ANKRD28: variants seen among roughly 807,000 people sequenced by gnomAD.
The protein encoded by ANKRD28 is serine/threonine-protein phosphatase 6 regulatory ankyrin repeat subunit A.
Under a neutral mutation model 126.5 loss-of-function variants are expected in ANKRD28, and 44 were observed. The ratio of observed to expected loss-of-function variants is 0.35; its 90% CI spans 0.27 to 0.45. The LOEUF (loss-of-function observed/expected upper bound fraction) is 0.45, where lower values mean the gene tolerates loss of function less well. Among genes scored for constraint, ANKRD28 ranks in the 20% least tolerant of loss-of-function variants. The pLI is 1.00. For synonymous variants in ANKRD28, 442 were observed against 468.5 expected, an observed-to-expected ratio of 0.94 and a Z score of 0.73; for missense variants, 1,110 against 1,316.6, an observed-to-expected ratio of 0.84 and a Z score of 2.43.
upstream of ANKRD28, among the ~76,000 whole-genome samples, chr3:15,799,763 A>T (rs1372490608): frequency 6.6e-6 from 1 of 152,008 alleles, no homozygotes; most frequent in East Asian, 1.9e-4. Flanking sequence ...TCTTGTTCTA[A>T]GTCAACCTCC....
At chr3:15,858,719 T>C (rs1420771663) in intron 1 of ANKRD28, among the ~76,000 whole-genome samples, 1 of 152,220 alleles carries the variant, frequency 6.6e-6, no homozygotes, top group Non-Finnish European at 1.5e-5. Flanking sequence ...TCTTTCCAAA[T>C]GTTTAGGTGT....
At chr3:15,771,089 G>T (rs984825109) in intron 2 of ANKRD28, among the ~76,000 whole-genome samples, 1 of 152,094 alleles carries the variant, frequency 6.6e-6, no homozygotes, top group Non-Finnish European at 1.5e-5. Flanking sequence ...GGTTTATTTG[G>T]TTTATGGTTG....
rs558437611 is a variant in ANKRD28, at chr3:15,845,814, C to T, written c.27+13563G>A. The stretch of plus-strand genomic sequence containing the variant: ...GTGGAGGGCAAAGGGGAAGCAAGCA[C>T]GTCTTAATATGGTGGAGCAGGAGGT... On this transcript the variant is annotated intron_variant, in intron 1 of 27. Coordinates refer to the ANKRD28 transcript ENST00000399451. This position sits in a 1 kb window ranked among gnomAD's most constrained non-coding sequence, Gnocchi z 4.9. 4.6e-5 allele frequency among the ~76,000 whole-genome samples: 7 copies of T among 152,184 alleles called. 1 individual carries two copies. Among genetic ancestry groups the T allele is most frequent in the African/African-American group, 1.7e-4 (7 of 41,526 alleles).
chr3:15,692,653 T>C (rs752636924), intron 17 of ANKRD28, among the ~76,000 whole-genome samples: 8 of 152,196 alleles, frequency 5.3e-5, no homozygotes, highest in Non-Finnish European at 8.8e-5. Context: ...CTGTACCAAG[T>C]TGTCCCGAAT....
chr3:15,834,074 C>CT (rs1233117424), intron 1 of ANKRD28, among the ~76,000 whole-genome samples: 1 of 151,996 alleles, frequency 6.6e-6, no homozygotes, highest in Non-Finnish European at 1.5e-5. Flanking sequence ...TGTGTGAAAG[C>CT]TTTTTTAAAA....
At chr3:15,702,716 G>C (rs2070788959) in intron 14 of ANKRD28, among the ~76,000 whole-genome samples, 1 of 152,188 alleles carries the variant, frequency 6.6e-6, no homozygotes, top group East Asian at 1.9e-4. Context: ...AGAGCCCTGG[G>C]TAAGGACCAC....
At chr3:15,781,065 G>T (rs2059516485) in intron 2 of ANKRD28, among the ~76,000 whole-genome samples, 1 of 150,344 alleles carries the variant, frequency 6.7e-6, no homozygotes, top group Non-Finnish European at 1.5e-5. Context: ...TGGCAAATGG[G>T]ACTGCATTAA....
intron 1 of ANKRD28, among the ~76,000 whole-genome samples, chr3:15,840,155 CCA>C (rs1313126879): frequency 6.6e-6 from 1 of 152,102 alleles, no homozygotes; most frequent in East Asian, 1.9e-4. Flanking sequence ...CCTAAAGACT[CCA>C]CACACAAAAA....
chr3:15,686,044 T>C lies in ANKRD28; in HGVS notation c.2127A>G (p.Val709=), dbSNP rs1575141927. The C allele has an allele frequency of 1.2e-6, 2 of 1,613,814 alleles. No homozygotes were observed. Among genetic ancestry groups the C allele is most frequent in the Non-Finnish European group, 8.5e-7 (1 of 1,179,818 alleles). The change falls in exon 20 of 28, where the codon GTA becomes GTG. Residue 709 remains valine (V), a synonymous_variant. Transcript: ENST00000683139. The stretch of plus-strand genomic sequence containing the variant: ...TCCTTCCCCACTTATCTTTGGCATC[T>C]ACATTTGCTCCTTTGTTCAGCAATG... The part of the protein sequence containing the change: ...VYSLLNKGAN[V]DAKDKWGRTA...
chr3:15,826,642 A>T (rs1485575484), intron 1 of ANKRD28, among the ~76,000 whole-genome samples: 1 of 152,216 alleles, frequency 6.6e-6, no homozygotes, highest in East Asian at 1.9e-4. Context: ...ATTCCTAGTG[A>T]TAGGTAGTTA....
At chr3:15,681,437 A>G (rs1012191437) in intron 21 of ANKRD28, among the ~76,000 whole-genome samples, 17 of 152,194 alleles carry the variant, frequency 1.1e-4, no homozygotes, top group Admixed American at 1.1e-3. Flanking sequence ...AAATTTTCTT[A>G]CCCTAATTCC....
At chr3:15,758,622 A>C (rs1408111990) in intron 3 of ANKRD28, among the ~76,000 whole-genome samples, 1 of 152,218 alleles carries the variant, frequency 6.6e-6, no homozygotes, top group Non-Finnish European at 1.5e-5. Context: ...GCGATTTTGC[A>C]AGCCAGAGAG....
chr3:15,681,197 TA>T (rs2067504941), intron 21 of ANKRD28, among the ~76,000 whole-genome samples: 2 of 152,226 alleles, frequency 1.3e-5, no homozygotes, highest in Non-Finnish European at 2.9e-5. Flanking sequence ...CTAGATTACT[TA>T]CAACTTAATT....
chr3:15,690,770 T>C (rs747969650), intron 17 of ANKRD28, among the ~76,000 whole-genome samples: 4 of 152,078 alleles, frequency 2.6e-5, no homozygotes, highest in African/African-American at 4.8e-5. Context: ...GGTCTCGCTA[T>C]GCTATCCGGG....
rs2061260243 is a variant in ANKRD28 at position 15,833,786 on chromosome 3, T to C, written c.27+25591A>G. On this transcript the variant is annotated intron_variant, in intron 1 of 27. Coordinates refer to the ANKRD28 transcript ENST00000399451. The surrounding 1 kb of genome is among the most constrained non-coding windows in gnomAD (Gnocchi z 4.4). ...ATATAAATAACTCCCACATGCTTAG[T>C]GTTCCAATAATGGAACACTAGGCAT... is the stretch of plus-strand genomic sequence containing the variant. 6.6e-6 allele frequency among the ~76,000 whole-genome samples: 1 copy of C among 152,082 alleles called. No homozygotes were observed. The highest frequency in any genetic ancestry group is 1.5e-5 in the Non-Finnish European group (1 of 68,000).
In ANKRD28 at chr3:15,853,748, C is replaced by T. The variant is rs1285094278; in HGVS notation, c.27+5629G>A. Among the ~76,000 whole-genome samples the T allele has an allele frequency of 6.6e-6, 1 of 152,142 alleles. No homozygotes were observed. Among genetic ancestry groups the T allele is most frequent in the Non-Finnish European group, 1.5e-5 (1 of 68,020 alleles). On this transcript the variant is annotated intron_variant, in intron 1 of 27. Coordinates refer to the ANKRD28 transcript ENST00000399451. This position sits in a 1 kb window ranked among gnomAD's most constrained non-coding sequence, Gnocchi z 4.2. ...TCTCCCAAAGTGCTGGGATTACAGG[C>T]ATGAGCCACCGCGCCCGGCCCTAAA... is the stretch of plus-strand genomic sequence containing the variant.
At chr3:15,798,841 C>T (rs1267947063), upstream of ANKRD28, among the ~76,000 whole-genome samples, 2 of 151,988 alleles carry the variant, frequency 1.3e-5, no homozygotes, top group African/African-American at 2.4e-5. Flanking sequence ...AAGAAAATAC[C>T]ATGGTCCCCC....
At chr3:15,678,909 G>A (rs958070402) in intron 23 of ANKRD28, among the ~76,000 whole-genome samples, 1 of 152,044 alleles carries the variant, frequency 6.6e-6, no homozygotes, top group Non-Finnish European at 1.5e-5. Flanking sequence ...TTTTAATAAT[G>A]GGTTTTCTGT....
intron 4 of ANKRD28, among the ~76,000 whole-genome samples, chr3:15,748,724 T>G (rs1037213284): frequency 2.6e-5 from 4 of 152,194 alleles, no homozygotes; most frequent in African/African-American, 9.7e-5. Context: ...CTTCTTGTAT[T>G]TGGATGTCCA....
Sources: allele counts gnomAD v4.1 joint callset (sites outside exome capture counted in the v4.1 genomes callset), GRCh38; gene constraint gnomAD v4.1.1; non-coding constraint Gnocchi (gnomAD v3.1); transcripts MANE v1.5; gene names NCBI Gene and HGNC (gene_info 2026-07-23, HGNC 2026-07-21).